The following INTS2 variants were observed in gnomAD, a reference collection of about 807,000 sequenced individuals.
The protein encoded by INTS2 is KIAA1287.
A neutral mutation model predicts 139.6 loss-of-function variants in INTS2; 57 were observed. That is an observed-to-expected ratio of 0.41 (90% CI 0.33 to 0.51). INTS2 has a LOEUF of 0.51. INTS2 is among the 20% of genes least tolerant of loss of function. The probability of loss-of-function intolerance (pLI) is 0.28; values close to 1 mark genes in which losing one functional copy is unlikely to be tolerated. For synonymous variants in INTS2, 473 were observed against 493.4 expected (o/e 0.96, Z 0.55); for missense variants, 1,196 against 1,436.7 (o/e 0.83, Z 2.71).
intron 5 of INTS2, among the ~76,000 whole-genome samples, chr17:61,916,986 C>A (rs1258965674): frequency 1.3e-5 from 2 of 151,946 alleles, no homozygotes. Context: ...AGAACACGAA[C>A]AGATACTTCT....
intron 17 of INTS2, among the ~76,000 whole-genome samples, chr17:61,879,581 T>TACAACCAC (rs2079159608): frequency 6.6e-6 from 1 of 152,146 alleles, no homozygotes; most frequent in Admixed American, 6.5e-5. Context: ...CCAGGCACGG[T>TACAACCAC]GGTTCATGCT....
rs1470287039 is a variant in INTS2 at position 61,915,699 on chromosome 17, C to T, written c.650-3629G>A. Reference sequence around the variant, plus strand: ...ACAAAAAATTAGCCGGGCGTGGTGGCGGGTGCCTGTAGTCCCAGCTACTCG... The same window carrying T: ...ACAAAAAATTAGCCGGGCGTGGTGGTGGGTGCCTGTAGTCCCAGCTACTCG... On this transcript the variant is annotated intron_variant, in intron 5 of 24. Transcript: ENST00000251334. Among the ~76,000 whole-genome samples, 11 of 146,716 alleles carry T rather than the reference C, an allele frequency of 7.5e-5. No individual in the cohort carries two copies. The East Asian group carries it at 1.6e-3, about 21-fold the overall frequency.
At chr17:61,874,515 T>TA (rs1442236794) in intron 19 of INTS2, among the ~76,000 whole-genome samples, 1 of 152,208 alleles carries the variant, frequency 6.6e-6, no homozygotes, top group Non-Finnish European at 1.5e-5. Context: ...TCAATGAAGC[T>TA]AACATCACTA....
At chr17:61,926,972 G>A (rs1164992230) in intron 1 of INTS2, 7 of 376,246 alleles carry the variant, frequency 1.9e-5, no homozygotes, top group Non-Finnish European at 1.5e-5. Context: ...AGTATTACTA[G>A]TTAGAGGCAC....
At position 61,873,192 on chromosome 17, in the gene INTS2, C is replaced by G. The variant is rs910925977; in HGVS notation, c.2583-732G>C. Among the ~76,000 whole-genome samples the G allele has an allele frequency of 1.4e-4, 22 of 152,116 alleles. No individual in the cohort carries two copies. Among genetic ancestry groups the G allele is most frequent in the African/African-American group, 5.1e-4 (21 of 41,514 alleles). On this transcript the variant is annotated intron_variant, in intron 19 of 24. Transcript: ENST00000251334. This position sits in a 1 kb window ranked among gnomAD's most constrained non-coding sequence, Gnocchi z 4.0. ...AAATATCCTAGGGGATTGGGTTAAG[C>G]ATAGCTCTATAAAATGGAATACCAT...
chr17:61,881,117 A>G lies in INTS2; in HGVS notation c.2144T>C (p.Ile715Thr), dbSNP rs750684970. 6.2e-7 allele frequency: 1 copy of G among 1,612,560 alleles called. No individual in the cohort carries two copies. The highest frequency in any genetic ancestry group is 8.5e-7 in the Non-Finnish European group (1 of 1,178,570). Residue 715 changes from isoleucine (I) to threonine (T), a missense_variant, in exon 17 of 25, where the codon ATT (isoleucine) becomes ACT (threonine). Physicochemically the swap from Ile to Thr is moderately conservative, Grantham distance 89. This residue lies in a region of INTS2 where 1,129 missense variants were observed against 1,341.9 expected (regional missense o/e 0.84). Coordinates refer to ENST00000251334, the MANE Select transcript of INTS2 (RefSeq NM_001351695.2). Reference sequence around the variant, plus strand: ...TTCTTCACAAATCCAGTCATCCACAATACATAAATGTGGGTAGTTAGTAGC... The same window carrying G: ...TTCTTCACAAATCCAGTCATCCACAGTACATAAATGTGGGTAGTTAGTAGC... Reference protein sequence around the residue: ...LLATNYPHLCIVDDWICEEEI... With the variant: ...LLATNYPHLCTVDDWICEEEI...
At chr17:61,886,693 C>T (rs1424820846) in intron 15 of INTS2, among the ~76,000 whole-genome samples, 1 of 152,220 alleles carries the variant, frequency 6.6e-6, no homozygotes, top group Non-Finnish European at 1.5e-5. Context: ...GCACCCAAAG[C>T]TCATTCCAAG....
intron 5 of INTS2, among the ~76,000 whole-genome samples, chr17:61,914,277 G>T (rs1340465675): frequency 1.3e-5 from 2 of 152,150 alleles, no homozygotes; most frequent in African/African-American, 2.4e-5. Context: ...CAGCAATAAA[G>T]AAGTCTATTT....
chr17:61,920,500 T>G (rs1167401131), intron 4 of INTS2, among the ~76,000 whole-genome samples: 2 of 65,674 alleles, frequency 3.0e-5, no homozygotes, highest in African/African-American at 1.5e-4. Context: ...TTTTTTTTTT[T>G]TTTTTTTTTA....
At position 61,878,496 on chromosome 17, in the gene INTS2, G is replaced by A. The variant is rs1023792973; in HGVS notation, c.2255-408C>T. Among the ~76,000 whole-genome samples the A allele has an allele frequency of 1.6e-4, 24 of 152,184 alleles. No individual in the cohort carries two copies. In the South Asian group the frequency reaches 2.3e-3, roughly 14 times the overall value. ...GGAGAATCACTTGAACCCGGAAGGC[G>A]GAGATTGCAGGGAGCTGAGATTGCA... On this transcript the variant is annotated intron_variant, in intron 17 of 24. Coordinates refer to ENST00000251334, the MANE Select transcript of INTS2 (RefSeq NM_001351695.2).
chr17:61,926,310 T>C, intron 2 of INTS2, 42 bp downstream of exon 2: 1 of 1,463,432 alleles, frequency 6.8e-7, no homozygotes, highest in Non-Finnish European at 9.3e-7. Context: ...TTCCCTGTTC[T>C]TTGTCAAATC....
In INTS2 at chr17:61,871,193, T is replaced by C. The variant is rs990192729; in HGVS notation, c.2778+1072A>G. Among the ~76,000 whole-genome samples, 2 of 152,210 alleles carry C rather than the reference T, an allele frequency of 1.3e-5. No homozygotes were observed. The highest frequency in any genetic ancestry group is 1.3e-4 in the Admixed American group (2 of 15,284). ...TGTAGTGCAGAGGCACGATCTCAGCTCACTGCAACCTCCGCCTCCCGGGTT... is the reference window on the plus strand; with the variant it reads ...TGTAGTGCAGAGGCACGATCTCAGCCCACTGCAACCTCCGCCTCCCGGGTT... On this transcript the variant is annotated intron_variant, in intron 20 of 24. Transcript: ENST00000251334. This position sits in a 1 kb window ranked among gnomAD's most constrained non-coding sequence, Gnocchi z 4.9.
At position 61,897,686 on chromosome 17, in the gene INTS2, T is replaced by C; in HGVS notation, c.1361A>G (p.Glu454Gly). Residue 454 changes from glutamate (E) to glycine (G), a missense_variant, in exon 10 of 25, where the codon GAA (glutamate) becomes GGA (glycine). By Grantham distance (98) the Glu-to-Gly change is moderately conservative. Around this residue, in one of 3 missense-constraint regions of INTS2, gnomAD observed 1,129 missense variants for 1,341.9 expected, o/e 0.84. Coordinates refer to ENST00000251334, the MANE Select transcript of INTS2 (RefSeq NM_001351695.2). The surrounding 1 kb of genome is among the most constrained non-coding windows in gnomAD (Gnocchi z 4.4). ...ATCTTACCTCTCAAAATACGCTTCT[T>C]CTTTTATCATCCAACTTAGCCACAC... ...MVVWLSWMIK[E>G]EAYFESTSGV... The C allele has an allele frequency of 1.2e-6, 2 of 1,607,392 alleles. No individual in the cohort carries two copies. The highest frequency in any genetic ancestry group is 1.7e-6 in the Non-Finnish European group (2 of 1,176,618).
chr17:61,871,721 G>C lies in INTS2; in HGVS notation c.2778+544C>G, dbSNP rs2079090255. 6.6e-6 allele frequency among the ~76,000 whole-genome samples: 1 copy of C among 151,960 alleles called. No individual in the cohort carries two copies. On this transcript the variant is annotated intron_variant, in intron 20 of 24. Coordinates refer to ENST00000251334, the MANE Select transcript of INTS2 (RefSeq NM_001351695.2). This position sits in a 1 kb window ranked among gnomAD's most constrained non-coding sequence, Gnocchi z 4.9. ...AGCTGAGGTGGGTGGATCACCTCAA[G>C]TTAGGAGTTCAACACAAGCCTGGCA...
rs1217143507 is a variant in INTS2 at position 61,897,521 on chromosome 17, C to G, written c.1442G>C (p.Ser481Thr). 1 of 1,604,964 alleles carries G rather than the reference C, an allele frequency of 6.2e-7. No homozygotes were observed. The highest frequency in any genetic ancestry group is 2.2e-5 in the East Asian group (1 of 44,676). ...MLLLVAMYFHSNQLSAIIDLV... is the reference protein window; with the variant it reads ...MLLLVAMYFHTNQLSAIIDLV... Reference sequence around the variant, plus strand: ...GTCAATGATAGCACTAAGCTGGTTGCTGTGAAAGTACATAGCCACCAATAA... The same window carrying G: ...GTCAATGATAGCACTAAGCTGGTTGGTGTGAAAGTACATAGCCACCAATAA... The change falls in exon 11 of 25, where the codon AGC (serine) becomes ACC (threonine). Residue 481 changes from serine (S) to threonine (T), a missense_variant. This residue lies in a region of INTS2 where 1,129 missense variants were observed against 1,341.9 expected (regional missense o/e 0.84). Coordinates refer to ENST00000251334, the MANE Select transcript of INTS2 (RefSeq NM_001351695.2). The surrounding 1 kb of genome is among the most constrained non-coding windows in gnomAD (Gnocchi z 4.4).
rs1197728076 is a variant in INTS2, at chr17:61,924,996, G to C, written c.397C>G (p.Leu133Val). Residue 133 changes from leucine to valine, a missense_variant, in exon 3 of 25, where the codon CTT (leucine) becomes GTT (valine). Physicochemically the swap from Leu to Val is conservative, Grantham distance 32. Around this residue, in one of 3 missense-constraint regions of INTS2, gnomAD observed 1,129 missense variants for 1,341.9 expected, o/e 0.84. Transcript: ENST00000251334. ...ATTGCCAACAGTTCACTAAGCACAA[G>C]ACGCAATCGACGAGGTGAATCACTG... ...EHSDSPRRLR[L>V]VLSELLAIMN... 3.0e-5 allele frequency: 48 copies of C among 1,613,130 alleles called. No homozygotes were observed. Among genetic ancestry groups the C allele is most frequent in the Non-Finnish European group, 4.1e-5 (48 of 1,179,620 alleles).
At chr17:61,918,924 T>G (rs1047466233) in intron 5 of INTS2, among the ~76,000 whole-genome samples, 5 of 96,634 alleles carry the variant, frequency 5.2e-5, no homozygotes, top group African/African-American at 1.4e-4. Flanking sequence ...TTCCTTGGGG[T>G]TTTTTTTTTT....
At chr17:61,891,753 A>G (rs1313505111) in intron 13 of INTS2, 64 bp from the exon 14 acceptor site, 1 of 1,169,376 alleles carries the variant, frequency 8.6e-7, no homozygotes, top group Admixed American at 2.6e-5. Context: ...GCAAAATTAT[A>G]AAAGTACATA....
intron 17 of INTS2, among the ~76,000 whole-genome samples, chr17:61,879,343 A>G (rs1261806867): frequency 6.6e-6 from 1 of 152,116 alleles, no homozygotes; most frequent in Non-Finnish European, 1.5e-5. Flanking sequence ...ATAGGATGTA[A>G]GCACCCAGAA....
Sources: allele counts gnomAD v4.1 joint callset (sites outside exome capture counted in the v4.1 genomes callset), GRCh38; gene constraint gnomAD v4.1.1; regional missense constraint gnomAD v4.1.1; non-coding constraint Gnocchi (gnomAD v3.1); transcripts MANE v1.5; gene names NCBI Gene and HGNC (gene_info 2026-07-23, HGNC 2026-07-21).